ACOT12: variants seen among roughly 807,000 people sequenced by gnomAD.
ACOT12 encodes the protein acyl-CoA thioesterase 12, also known as acetyl-coenzyme A thioesterase.
In ACOT12, 51 loss-of-function variants were observed where a neutral mutation model predicts 67.7. The observed-to-expected ratio is 0.75, with a 90% confidence interval of 0.60 to 0.95. ACOT12 has a LOEUF of 0.95. ACOT12 is among the 40% of genes least tolerant of loss of function. The pLI is 0.00. For missense variants in ACOT12, 734 were observed against 708.1 expected (o/e 1.04, Z -0.41); for synonymous variants, 251 against 244.6 (o/e 1.03, Z -0.24).
intron 7 of ACOT12, 50 bp downstream of exon 7, chr5:81,345,835 C>T (rs770423876): frequency 3.7e-6 from 6 of 1,606,502 alleles, no homozygotes; most frequent in Non-Finnish European, 4.3e-6. Context: ...TTAAAAATTA[C>T]ATTTGTGCAA....
chr5:81,330,637 A>C, intron 14 of ACOT12, 94 bp from the exon 15 acceptor site: 1 of 1,505,932 alleles, frequency 6.6e-7, no homozygotes. Context: ...GGGGAGGCTA[A>C]GACCCTAATC....
chr5:81,379,013 A>C (rs982818025), intron 2 of ACOT12, among the ~76,000 whole-genome samples: 1 of 152,194 alleles, frequency 6.6e-6, no homozygotes, highest in Non-Finnish European at 1.5e-5. Context: ...TCATTCTACT[A>C]TAAAGACACA....
intron 11 of ACOT12, among the ~76,000 whole-genome samples, chr5:81,336,771 A>G (rs1365294013): frequency 6.6e-6 from 1 of 152,188 alleles, no homozygotes; most frequent in Non-Finnish European, 1.5e-5. Context: ...AAAACAAACA[A>G]ATATGGGGTT....
intron 12 of ACOT12, 106 bp from the exon 13 acceptor site, chr5:81,332,711 T>C (rs2153842644): frequency 1.5e-6 from 2 of 1,350,050 alleles, no homozygotes; most frequent in Non-Finnish European, 1.0e-6. Context: ...TATTTGCCCC[T>C]TCAGCTCACC....
chr5:81,384,302 TTTAGTACAAAA>T (rs1381149610), intron 2 of ACOT12, among the ~76,000 whole-genome samples: 5 of 151,826 alleles, frequency 3.3e-5, no homozygotes, highest in African/African-American at 1.2e-4. Context: ...TTTTTGTACT[TTTAGTACAAAA>T]TTAGTACAAA....
chr5:81,328,420 T>C (rs1361744782), downstream of ACOT12, among the ~76,000 whole-genome samples: 3 of 152,324 alleles, frequency 2.0e-5, no homozygotes, highest in Admixed American at 1.3e-4. Context: ...AATATCTGAA[T>C]GAATGAAAGA....
the ACOT12 span, among the ~76,000 whole-genome samples, chr5:81,319,890 T>G: frequency 6.6e-6 from 1 of 151,174 alleles, no homozygotes; most frequent in African/African-American, 2.4e-5. Flanking sequence ...TGACATGCTG[T>G]GACAAACCTT....
chr5:81,386,994 C>CTTTTTTTTTTTTTTTTTTTTTT (rs1052387807), intron 1 of ACOT12, among the ~76,000 whole-genome samples: 4 of 128,480 alleles, frequency 3.1e-5, no homozygotes. Context: ...GGATGAGTTC[C>CTTTTTTTTTTTTTTTTTTTTTT]ATTTTTTTTT....
the ACOT12 span, chr5:81,312,641 A>C: frequency 6.2e-7 from 1 of 1,613,278 alleles, no homozygotes; most frequent in Non-Finnish European, 8.5e-7. Flanking sequence ...AAACAAAAAT[A>C]CCTAAAGTTG....
rs551394257 is a variant in ACOT12, at chr5:81,363,657, G to T, written c.360+131C>A. ...GTGATAACTTTTGCAATAAATATTG[G>T]TGAATAACAAATCTTGGGGAAGTAT... is the stretch of plus-strand genomic sequence containing the variant. On this transcript the variant is annotated intron_variant, in intron 4 of 14. Coordinates refer to ENST00000307624, the MANE Select transcript of ACOT12 (RefSeq NM_130767.3). 2.0e-4 allele frequency: 116 copies of T among 576,576 alleles called. 1 individual carries two copies. In the South Asian group the frequency reaches 3.7e-3, roughly 18 times the overall value. The allele number at this position is 576,576 out of a possible 1,614,324, so 35.7% of individuals were successfully genotyped here.
chr5:81,319,204 TG>T, the ACOT12 span, among the ~76,000 whole-genome samples: 1 of 152,254 alleles, frequency 6.6e-6, no homozygotes, highest in East Asian at 1.9e-4. Context: ...CTAAAGTTTT[TG>T]TTACCATTAT....
chr5:81,330,769 TATCTGGCAGAGCCAATTA>T (rs1210941855), intron 14 of ACOT12, 27 bp downstream of exon 14: 8 of 1,595,354 alleles, frequency 5.0e-6, no homozygotes, highest in Non-Finnish European at 6.8e-6. Flanking sequence ...GATTTTTCGC[TATCTGGCAGAGCCAATTA>T]ATCTGCAGAT....
At chr5:81,324,278 G>A in the ACOT12 span, among the ~76,000 whole-genome samples, 3 of 152,100 alleles carry the variant, frequency 2.0e-5, no homozygotes, top group African/African-American at 7.2e-5. Flanking sequence ...AGAAGATAGC[G>A]TTTTGGATTA....
chr5:81,379,097 T>G (rs1160472521), intron 2 of ACOT12, among the ~76,000 whole-genome samples: 1 of 152,094 alleles, frequency 6.6e-6, no homozygotes, highest in South Asian at 2.1e-4. Flanking sequence ...CCATCAATGA[T>G]AGACTGGATA....
intron 3 of ACOT12, among the ~76,000 whole-genome samples, chr5:81,367,800 C>T (rs1442358158): frequency 6.6e-6 from 1 of 151,920 alleles, no homozygotes; most frequent in Non-Finnish European, 1.5e-5. Flanking sequence ...AAAATAGCAT[C>T]CAAATATATT....
chr5:81,374,888 G>T (rs1335052341), intron 2 of ACOT12, among the ~76,000 whole-genome samples: 2 of 152,190 alleles, frequency 1.3e-5, no homozygotes, highest in African/African-American at 4.8e-5. Flanking sequence ...AAGTGATGGG[G>T]AGAATGGAAC....
intron 4 of ACOT12, among the ~76,000 whole-genome samples, chr5:81,361,695 C>T (rs1016796604): frequency 6.6e-6 from 1 of 152,200 alleles, no homozygotes; most frequent in African/African-American, 2.4e-5. Context: ...CCTCCACCCT[C>T]TCTGAGGCTG....
chr5:81,336,927 G>T (rs910959159), intron 11 of ACOT12, among the ~76,000 whole-genome samples: 1 of 152,142 alleles, frequency 6.6e-6, no homozygotes, highest in Non-Finnish European at 1.5e-5. Context: ...GTGATTATTT[G>T]CTTACACCAT....
intron 1 of ACOT12, among the ~76,000 whole-genome samples, chr5:81,388,211 C>T (rs1040579686): frequency 2.0e-5 from 3 of 152,012 alleles, no homozygotes; most frequent in Admixed American, 6.6e-5. Flanking sequence ...GAGAACACTC[C>T]CAGAGAAGGA....
Sources: gnomAD v4.1 joint callset for allele counts (sites outside exome capture counted in the v4.1 genomes callset) on GRCh38, gnomAD v4.1.1 for gene constraint, MANE v1.5 for transcripts, NCBI Gene and HGNC (gene_info 2026-07-23, HGNC 2026-07-21) for gene names.